Variants in FIGLA observed in about 807,000 individuals in gnomAD.
FIGLA encodes the protein factor in the germline alpha.
Under a neutral mutation model 21.5 loss-of-function variants are expected in FIGLA, and 17 were observed. That is an observed-to-expected ratio of 0.79 (90% CI 0.54 to 1.19). The LOEUF (loss-of-function observed/expected upper bound fraction) is 1.19. Among genes scored for constraint, FIGLA ranks in the 50% most tolerant of loss-of-function variants. FIGLA has a pLI of 0.00. For synonymous variants in FIGLA, 129 were observed against 117.6 expected (o/e 1.10, Z -0.63); for missense variants, 282 against 285.0 (o/e 0.99, Z 0.08).
At chr2:70,778,832 G>A (rs762287390) in intron 3 of FIGLA, among the ~76,000 whole-genome samples, 12 of 152,126 alleles carry the variant, frequency 7.9e-5, no homozygotes, top group Non-Finnish European at 1.6e-4. Flanking sequence ...CTTTAAGAAG[G>A]CAGGCACACT....
At chr2:70,778,309 C>T (rs1553388636) in intron 3 of FIGLA, among the ~76,000 whole-genome samples, 1 of 152,118 alleles carries the variant, frequency 6.6e-6, no homozygotes, top group Non-Finnish European at 1.5e-5. Flanking sequence ...GTTTGTATAG[C>T]ACAGGGTGGT....
Position 70,777,389 on chromosome 2 carries a change from C to A in FIGLA, c.645-7G>T. On this transcript the variant is annotated splice_region_variant and splice_polypyrimidine_tract_variant and intron_variant, in intron 4 of 4. Transcript: ENST00000332372. ...TTTTCATACTTGTGGAAGTCTGAAA[C>A]AGAGAAAACATTCCATTATAAATAG... The A allele has an allele frequency of 6.8e-7, 1 of 1,476,158 alleles. No homozygotes were observed. Among genetic ancestry groups the A allele is most frequent in the South Asian group, 1.4e-5 (1 of 70,812 alleles). The allele number at this position is 1,476,158 out of a possible 1,614,324, so 91.4% of individuals were successfully genotyped here. A position where few individuals can be genotyped will look rare whatever the true frequency, so the allele number is the denominator to read the frequency against.
chr2:70,785,595 T>C lies in FIGLA; in HGVS notation c.429A>G (p.Glu143=), dbSNP rs2104600654. The change falls in exon 3 of 5, where the codon GAA becomes GAG. Residue 143 remains glutamate, a synonymous_variant. Coordinates refer to ENST00000332372, the MANE Select transcript of FIGLA (RefSeq NM_001004311.3). The part of the protein sequence containing the change: ...DEQSYSNNSS[E]SHTSSARQLS... ...GCTGTCTTGCCGAGGATGTATGTGA[T>C]TCAGAACTGTTGTTACTATAGCTCT... is the stretch of plus-strand genomic sequence containing the variant. 1.9e-6 allele frequency: 3 copies of C among 1,614,036 alleles called. No homozygotes were observed. The highest frequency in any genetic ancestry group is 2.5e-6 in the Non-Finnish European group (3 of 1,179,892).
Position 70,777,688 on chromosome 2 carries a change from A to C in FIGLA, c.610-17T>G. The C allele has an allele frequency of 7.7e-7, 1 of 1,293,820 alleles. No homozygotes were observed. Among genetic ancestry groups the C allele is most frequent in the Non-Finnish European group, 1.1e-6 (1 of 895,774 alleles). 80.1% of individuals were successfully genotyped at this position (1,293,820 alleles called of 1,614,324 possible). A position where few individuals can be genotyped will look rare whatever the true frequency, so the allele number is the denominator to read the frequency against. ...GAATCTATCCTGCAAAAACAATACA[A>C]AATACAGAAAGGGCTAAACACATCG... On this transcript the variant is annotated splice_polypyrimidine_tract_variant and intron_variant, in intron 3 of 4. Coordinates refer to ENST00000332372, the MANE Select transcript of FIGLA (RefSeq NM_001004311.3).
chr2:70,783,056 C>CAA (rs60009932), intron 3 of FIGLA, among the ~76,000 whole-genome samples: 25 of 124,314 alleles, frequency 2.0e-4, no homozygotes, highest in African/African-American at 4.1e-4. Context: ...GACTCTGTCT[C>CAA]AAAAAAAAAA....
In FIGLA at chr2:70,790,525, G is replaced by A. The variant is rs1676043184; in HGVS notation, c.114C>T (p.Pro38=). Residue 38 remains proline, a synonymous_variant, in exon 1 of 5, where the codon CCC becomes CCT. Coordinates refer to ENST00000332372, the MANE Select transcript of FIGLA (RefSeq NM_001004311.3). ...DVLREQFGPL[P]QLAAVCRLKR... is the part of the protein sequence containing the mutation. Reference sequence around the variant, plus strand: ...TGAGCCGGCAGACAGCGGCCAGCTGGGGCAGCGGCCCGAACTGCTCCCGCA... The same window carrying A: ...TGAGCCGGCAGACAGCGGCCAGCTGAGGCAGCGGCCCGAACTGCTCCCGCA... The A allele has an allele frequency of 6.5e-7, 1 of 1,539,724 alleles. No individual in the cohort carries two copies. Among genetic ancestry groups the A allele is most frequent in the African/African-American group, 1.4e-5 (1 of 72,926 alleles).
chr2:70,785,356 C>T, intron 3 of FIGLA, 59 bp downstream of exon 3: 4 of 1,336,388 alleles, frequency 3.0e-6, no homozygotes, highest in Middle Eastern at 1.9e-4. Context: ...ACTCATATCT[C>T]AAAGTATACA....
intron 3 of FIGLA, among the ~76,000 whole-genome samples, chr2:70,784,399 C>T (rs1675909505): frequency 6.6e-6 from 1 of 152,210 alleles, no homozygotes; most frequent in African/African-American, 2.4e-5. Context: ...AGTGACGTGA[C>T]AGGTATTATG....
Position 70,785,907 on chromosome 2 carries a change from C to T in FIGLA, c.385-268G>A, listed in dbSNP as rs7566814. 0.54 allele frequency among the ~76,000 whole-genome samples: 81,694 copies of T among 151,960 alleles called. 23,055 individuals are homozygous for T. The highest frequency in any genetic ancestry group is 0.74 in the East Asian group (3,804 of 5,166). ...TACAATGAACAAAGCACTTCTGTTA[C>T]ACAATTGACATGCAAGAGAAAACTA... is the stretch of plus-strand genomic sequence containing the variant. On this transcript the variant is annotated intron_variant, in intron 2 of 4. Coordinates refer to ENST00000332372, the MANE Select transcript of FIGLA (RefSeq NM_001004311.3).
rs782096619 is a variant in FIGLA at position 70,787,620 on chromosome 2, A to C, written c.384+29T>G. The C allele has an allele frequency of 1.9e-6, 3 of 1,547,020 alleles. No homozygotes were observed. In the South Asian group the frequency reaches 3.6e-5, roughly 18 times the overall value. On this transcript the variant is annotated intron_variant, in intron 2 of 4. Coordinates refer to ENST00000332372, the MANE Select transcript of FIGLA (RefSeq NM_001004311.3). Reference sequence around the variant, plus strand: ...AGAAAAGGCCTAATAAATGGTGGCTATCATTATTCTAAAATCTTACACCTT... The same window carrying C: ...AGAAAAGGCCTAATAAATGGTGGCTCTCATTATTCTAAAATCTTACACCTT...
At chr2:70,779,753 C>T (rs1558596778) in intron 3 of FIGLA, among the ~76,000 whole-genome samples, 1 of 152,212 alleles carries the variant, frequency 6.6e-6, no homozygotes, top group Admixed American at 6.5e-5. Context: ...AGCCCCAGCA[C>T]TCTTGGCATC....
intron 2 of FIGLA, among the ~76,000 whole-genome samples, chr2:70,786,304 GTTTTC>G (rs1675954831): frequency 6.9e-6 from 1 of 145,456 alleles, no homozygotes; most frequent in South Asian, 2.2e-4. Context: ...GGACTTCTAG[GTTTTC>G]TTTTTTTTGG....
At chr2:70,779,977 C>G (rs1553388874) in intron 3 of FIGLA, among the ~76,000 whole-genome samples, 1 of 152,188 alleles carries the variant, frequency 6.6e-6, no homozygotes, top group Non-Finnish European at 1.5e-5. Flanking sequence ...CTTTGAAGCT[C>G]TAATTTTAAA....
chr2:70,783,209 A>G (rs1224075405), intron 3 of FIGLA, among the ~76,000 whole-genome samples: 3 of 152,214 alleles, frequency 2.0e-5, no homozygotes, highest in Non-Finnish European at 4.4e-5. Flanking sequence ...CACTGTCTAT[A>G]AAAATCTCAA....
intron 3 of FIGLA, among the ~76,000 whole-genome samples, chr2:70,783,792 G>C (rs1675899069): frequency 6.6e-6 from 1 of 151,282 alleles, no homozygotes; most frequent in Non-Finnish European, 1.5e-5. Context: ...TCCCCTCCCA[G>C]GTTCAAGCGA....
chr2:70,777,748 G>A, intron 3 of FIGLA, 77 bp from the exon 4 acceptor site: 1 of 704,574 alleles, frequency 1.4e-6, no homozygotes, highest in Non-Finnish European at 2.4e-6. Flanking sequence ...AAAAAACTGA[G>A]AACATAGTGG....
chr2:70,782,928 G>A (rs1222253844), intron 3 of FIGLA, among the ~76,000 whole-genome samples: 5 of 151,930 alleles, frequency 3.3e-5, no homozygotes, highest in African/African-American at 7.3e-5. Flanking sequence ...TTAGCTGGGT[G>A]TGGTGGTGTG....
intron 2 of FIGLA, 67 bp downstream of exon 2, chr2:70,787,582 G>C: frequency 7.0e-7 from 1 of 1,422,404 alleles, no homozygotes; most frequent in Non-Finnish European, 9.6e-7. Flanking sequence ...ACTTGGCACA[G>C]TGTCTCGTAC....
At chr2:70,785,065 A>G (rs782610815) in intron 3 of FIGLA, among the ~76,000 whole-genome samples, 8 of 152,246 alleles carry the variant, frequency 5.3e-5, no homozygotes, top group Non-Finnish European at 1.0e-4. Context: ...GATCATTTAA[A>G]AGATAAACTT....
Sources: gnomAD v4.1 joint callset for allele counts (sites outside exome capture counted in the v4.1 genomes callset) on GRCh38, gnomAD v4.1.1 for gene constraint, MANE v1.5 for transcripts, NCBI Gene and HGNC (gene_info 2026-07-23, HGNC 2026-07-21) for gene names.